Variants in RXRA observed in about 807,000 individuals in gnomAD.
RXRA encodes retinoid X receptor alpha.
RXRA carries 5 observed loss-of-function variants against 44.5 expected under a neutral mutation model. The observed-to-expected ratio is 0.11, with a 90% confidence interval of 0.06 to 0.24. RXRA has a LOEUF of 0.24. Among genes scored for constraint, RXRA ranks in the 10% least tolerant of loss-of-function variants. The pLI, the probability that RXRA is intolerant of heterozygous loss-of-function variation, is 1.00. For synonymous variants in RXRA, 291 were observed against 271.4 expected (o/e 1.07, Z -0.71); for missense variants, 412 against 646.5 (o/e 0.64, Z 3.93).
intron 1 of RXRA, among the ~76,000 whole-genome samples, chr9:134,395,624 A>T (rs1830866182): frequency 1.3e-5 from 2 of 152,098 alleles, no homozygotes; most frequent in Non-Finnish European, 2.9e-5. Context: ...CAGGGGCCTG[A>T]GTGTCCATGT....
chr9:134,389,785 A>T (rs532581314), intron 1 of RXRA, among the ~76,000 whole-genome samples: 53 of 152,282 alleles, frequency 3.5e-4, no homozygotes, highest in African/African-American at 1.2e-3. Context: ...CAGAGACTCC[A>T]TAGCTGCAGC....
intron 4 of RXRA, among the ~76,000 whole-genome samples, chr9:134,412,130 GCTGT>G (rs1356271889): frequency 2.0e-5 from 3 of 152,238 alleles, no homozygotes; most frequent in Non-Finnish European, 4.4e-5. Context: ...GGAGGGCAGG[GCTGT>G]TGGCTGCATG....
chr9:134,330,072 C>T (rs531664638), intron 1 of RXRA, among the ~76,000 whole-genome samples: 22 of 152,238 alleles, frequency 1.4e-4, no homozygotes, highest in South Asian at 4.1e-4. Context: ...TCTTGGGTGA[C>T]GTTTGGTTTT....
chr9:134,341,102 G>A (rs1259190772), intron 1 of RXRA, among the ~76,000 whole-genome samples: 2 of 152,210 alleles, frequency 1.3e-5, no homozygotes, highest in Non-Finnish European at 1.5e-5. Context: ...TCCTGGTGGG[G>A]ACAGGGAGAG....
At chr9:134,380,970 T>C (rs1361298955) in intron 1 of RXRA, among the ~76,000 whole-genome samples, 1 of 152,110 alleles carries the variant, frequency 6.6e-6, no homozygotes, top group Non-Finnish European at 1.5e-5. Context: ...CTCACTGTAC[T>C]GGGGAAATGT....
intron 1 of RXRA, among the ~76,000 whole-genome samples, chr9:134,393,622 G>C (rs945006146): frequency 6.6e-6 from 1 of 152,232 alleles, no homozygotes; most frequent in African/African-American, 2.4e-5. Context: ...TGTGGCCGCA[G>C]CTCCCATGGT....
intron 1 of RXRA, among the ~76,000 whole-genome samples, chr9:134,376,492 C>G (rs1830559127): frequency 1.1e-5 from 1 of 93,220 alleles, no homozygotes. Flanking sequence ...CCCCTGCCGC[C>G]CGCCACACTC....
intron 1 of RXRA, 45 bp from the exon 2 acceptor site, chr9:134,401,587 G>C: frequency 3.1e-6 from 5 of 1,609,922 alleles, no homozygotes; most frequent in Non-Finnish European, 4.2e-6. Context: ...GTGGGGCCTG[G>C]AGTCACCTGC....
At chr9:134,416,210 G>A (rs1475996803) in intron 4 of RXRA, among the ~76,000 whole-genome samples, 1 of 152,218 alleles carries the variant, frequency 6.6e-6, no homozygotes, top group Non-Finnish European at 1.5e-5. Context: ...CTTCCTCAGT[G>A]TTCAAAGTGG....
At chr9:134,400,862 G>C (rs1296253899) in intron 1 of RXRA, among the ~76,000 whole-genome samples, 2 of 152,160 alleles carry the variant, frequency 1.3e-5, no homozygotes, top group Non-Finnish European at 2.9e-5. Context: ...CACGTGAGAG[G>C]TGCCCCATTC....
intron 1 of RXRA, among the ~76,000 whole-genome samples, chr9:134,368,677 ATG>A (rs953842053): frequency 4.1e-5 from 6 of 147,530 alleles, no homozygotes; most frequent in Non-Finnish European, 9.0e-5. Flanking sequence ...CTGAGGATGT[ATG>A]TGTGAGTATA....
chr9:134,404,543 T>A (rs1831018782), intron 2 of RXRA: 1 of 152,344 alleles, frequency 6.6e-6, no homozygotes, highest in Non-Finnish European at 1.5e-5. Flanking sequence ...GGCATGGAGC[T>A]GGACTTGGTG....
intron 6 of RXRA, chr9:134,424,021 TGCCTG>T (rs1479163660): frequency 6.1e-6 from 6 of 985,318 alleles, no homozygotes; most frequent in Non-Finnish European, 7.2e-6. Flanking sequence ...GTTTGTGTGG[TGCCTG>T]GCCCTGTGGT....
rs1830350172 is a variant in RXRA, at chr9:134,361,405, G to A, written c.28+34746G>A. Among the ~76,000 whole-genome samples, 5 of 152,160 alleles carry A rather than the reference G, an allele frequency of 3.3e-5. 1 individual carries two copies. Among genetic ancestry groups the A allele is most frequent in the Admixed American group, 3.3e-4 (5 of 15,282 alleles). On this transcript the variant is annotated intron_variant, in intron 1 of 9. Coordinates refer to ENST00000481739, the MANE Select transcript of RXRA (RefSeq NM_002957.6). Reference sequence around the variant, plus strand: ...GGCCCCTGGGCATCTCCTGTGGGGAGGCCCCTTCCAAGGGTCTGCCTTGCC... The same window carrying A: ...GGCCCCTGGGCATCTCCTGTGGGGAAGCCCCTTCCAAGGGTCTGCCTTGCC...
intron 1 of RXRA, among the ~76,000 whole-genome samples, chr9:134,331,763 C>G (rs1229534545): frequency 8.4e-6 from 1 of 118,528 alleles, no homozygotes; most frequent in Non-Finnish European, 1.7e-5. Context: ...CTTTGTGTCC[C>G]GCTGTGGGGC....
chr9:134,413,045 G>A (rs899709922), intron 4 of RXRA, among the ~76,000 whole-genome samples: 1 of 152,190 alleles, frequency 6.6e-6, no homozygotes, highest in African/African-American at 2.4e-5. Flanking sequence ...TGACCCACAG[G>A]TCTCTGCTGT....
In RXRA at chr9:134,426,742, C is replaced by T. The variant is rs1831440852; in HGVS notation, c.911-2366C>T. On this transcript the variant is annotated intron_variant, in intron 6 of 9. Coordinates refer to ENST00000481739, the MANE Select transcript of RXRA (RefSeq NM_002957.6). This position sits in a 1 kb window ranked among gnomAD's most constrained non-coding sequence, Gnocchi z 4.6. ...GCCACTGCTCAGGTAAACCCCCAGG[C>T]CTGCAGGATGTGAGGGAGAGAGGCA... is the stretch of plus-strand genomic sequence containing the variant. 1 of 985,260 alleles carries T rather than the reference C, an allele frequency of 1.0e-6. No individual in the cohort carries two copies. Among genetic ancestry groups the T allele is most frequent in the Admixed American group, 6.2e-5 (1 of 16,260 alleles). The allele number at this position is 985,260 out of a possible 1,614,324, so 61.0% of individuals were successfully genotyped here.
chr9:134,377,071 T>C (rs972356252), intron 1 of RXRA, among the ~76,000 whole-genome samples: 2 of 152,150 alleles, frequency 1.3e-5, no homozygotes, highest in Non-Finnish European at 2.9e-5. Context: ...GCCGACCCTG[T>C]GAGGGGCTGG....
intron 4 of RXRA, among the ~76,000 whole-genome samples, chr9:134,412,290 C>T (rs568669653): frequency 5.3e-5 from 8 of 152,208 alleles, no homozygotes; most frequent in African/African-American, 9.6e-5. Context: ...TGGGCAGCTC[C>T]GCCCACTGGC....
Sources: gnomAD v4.1 joint callset for allele counts (sites outside exome capture counted in the v4.1 genomes callset) on GRCh38, gnomAD v4.1.1 for gene constraint, Gnocchi (gnomAD v3.1) non-coding constraint, MANE v1.5 for transcripts, NCBI Gene and HGNC (gene_info 2026-07-23, HGNC 2026-07-21) for gene names.